XPO4: variants seen among roughly 807,000 people sequenced by gnomAD.
XPO4 encodes the protein exportin-4.
A neutral mutation model predicts 143.0 loss-of-function variants in XPO4; 39 were observed. That is an observed-to-expected ratio of 0.27 (90% CI 0.21 to 0.36). The LOEUF (loss-of-function observed/expected upper bound fraction) is 0.36. XPO4 is among the 10% of genes least tolerant of loss of function. The pLI is 1.00. For missense variants in XPO4, 907 were observed against 1,348.0 expected (o/e 0.67, Z 5.12); for synonymous variants, 439 against 474.0 (o/e 0.93, Z 0.96).
chr13:20,845,752 T>A (rs1395582151), intron 4 of XPO4, among the ~76,000 whole-genome samples: 2 of 152,208 alleles, frequency 1.3e-5, no homozygotes, highest in African/African-American at 4.8e-5. Context: ...GAGGATCAAC[T>A]ATAAACATGA....
chr13:20,825,133 G>C (rs1388444897), intron 7 of XPO4, among the ~76,000 whole-genome samples: 1 of 151,994 alleles, frequency 6.6e-6, no homozygotes, highest in Non-Finnish European at 1.5e-5. Flanking sequence ...CAAAAAGGTA[G>C]GAAGAAAACA....
At chr13:20,898,684 C>T (rs2060591804) in intron 1 of XPO4, among the ~76,000 whole-genome samples, 2 of 152,156 alleles carry the variant, frequency 1.3e-5, no homozygotes, top group Admixed American at 1.3e-4. Flanking sequence ...CCAAAACAAC[C>T]TAATGAAGAC....
chr13:20,886,812 G>A (rs1404704534), intron 1 of XPO4, among the ~76,000 whole-genome samples: 1 of 151,726 alleles, frequency 6.6e-6, no homozygotes, highest in Non-Finnish European at 1.5e-5. Context: ...GTTAGCTCAT[G>A]CCTGTAATCC....
rs553267985 is a variant in XPO4 at position 20,822,592 on chromosome 13, A to G, written c.841-303T>C. ...GCCAGTCAGACATACTGCTTCTTCT[A>G]AAAACAGCAACAATGACAGTCATCT... is the stretch of plus-strand genomic sequence containing the variant. On this transcript the variant is annotated intron_variant, in intron 7 of 22. Coordinates refer to ENST00000255305, the MANE Select transcript of XPO4 (RefSeq NM_022459.5). Among the ~76,000 whole-genome samples, 132 of 152,374 alleles carry G rather than the reference A, an allele frequency of 8.7e-4. 1 individual carries two copies. Among genetic ancestry groups the G allele is most frequent in the Middle Eastern group, 3.4e-3 (1 of 294 alleles).
chr13:20,892,657 G>A (rs945045798), intron 1 of XPO4, among the ~76,000 whole-genome samples: 3 of 152,182 alleles, frequency 2.0e-5, no homozygotes, highest in Admixed American at 2.0e-4. Flanking sequence ...TAAATAAGGT[G>A]TTATAAAAGA....
At chr13:20,816,461 T>G (rs897984307) in intron 9 of XPO4, among the ~76,000 whole-genome samples, 1 of 152,230 alleles carries the variant, frequency 6.6e-6, no homozygotes. Flanking sequence ...AGCTAGTTCT[T>G]AAAATACAGA....
intron 1 of XPO4, among the ~76,000 whole-genome samples, chr13:20,882,109 C>CAAAAAAAAAAAAAAAAAAAA (rs35404161): frequency 2.9e-4 from 27 of 93,312 alleles, no homozygotes; most frequent in African/African-American, 4.3e-4. Context: ...GACTCGGTCT[C>CAAAAAAAAAAAAAAAAAAAA]AAAAAAAAAA....
intron 19 of XPO4, among the ~76,000 whole-genome samples, chr13:20,789,302 G>A (rs912701244): frequency 6.6e-6 from 1 of 152,158 alleles, no homozygotes; most frequent in Non-Finnish European, 1.5e-5. Flanking sequence ...CTCAAGGAGG[G>A]GGAAGCACAC....
rs766596208 is a variant in XPO4 at position 20,808,511 on chromosome 13, G to A, written c.1564C>T (p.Pro522Ser). ...QRHQQQLLAS[P>S]GSSTVDNKML... ...TTGTTGTCAACAGTGCTTGAACCCG[G>A]TGAAGCAAGTAACTGTTGCTGATGT... Residue 522 changes from proline (P) to serine (S), a missense_variant, in exon 12 of 23, where the codon CCG (proline) becomes TCG (serine). By Grantham distance (74) the Pro-to-Ser change is moderately conservative. Coordinates refer to ENST00000255305, the MANE Select transcript of XPO4 (RefSeq NM_022459.5). The A allele has an allele frequency of 1.3e-6, 2 of 1,576,454 alleles. No homozygotes were observed. Among genetic ancestry groups the A allele is most frequent in the Non-Finnish European group, 1.7e-6 (2 of 1,152,484 alleles).
chr13:20,808,021 T>C lies in XPO4; in HGVS notation c.1640-387A>G, dbSNP rs568625999. ...ATTATTTAAAATATGGAAACACTAATAGTATGGTGGTCAAAAAAGAAGATC... is the reference window on the plus strand; with the variant it reads ...ATTATTTAAAATATGGAAACACTAACAGTATGGTGGTCAAAAAAGAAGATC... On this transcript the variant is annotated intron_variant, in intron 12 of 22. Coordinates refer to ENST00000255305, the MANE Select transcript of XPO4 (RefSeq NM_022459.5). Among the ~76,000 whole-genome samples the C allele has an allele frequency of 8.5e-4, 130 of 152,270 alleles. 3 individuals carry two copies. In the South Asian group the frequency reaches 0.026, roughly 30 times the overall value.
chr13:20,787,884 C>T (rs146652298), intron 20 of XPO4, among the ~76,000 whole-genome samples: 262 of 152,210 alleles, frequency 1.7e-3, no homozygotes, highest in Non-Finnish European at 2.5e-3. Flanking sequence ...ACAATCAGAG[C>T]TAAGACCAGA....
rs747915359 is a variant in XPO4, at chr13:20,808,478, C to T, written c.1597G>A (p.Asp533Asn). The T allele has an allele frequency of 1.1e-5, 17 of 1,573,628 alleles. 1 individual carries two copies. The South Asian group carries it at 1.6e-4, about 15-fold the overall frequency. Reference sequence around the variant, plus strand: ...CAGTGAATATCTTCATAGAGATCATCAAGCATTTTGTTGTCAACAGTGCTT... The same window carrying T: ...CAGTGAATATCTTCATAGAGATCATTAAGCATTTTGTTGTCAACAGTGCTT... Reference protein sequence around the residue: ...GSSTVDNKMLDDLYEDIHWLI... With the variant: ...GSSTVDNKMLNDLYEDIHWLI... Residue 533 changes from aspartate (D) to asparagine (N), a missense_variant, in exon 12 of 23, where the codon GAT becomes AAT. Transcript: ENST00000255305.
At chr13:20,798,732 C>T (rs1444247299) in intron 16 of XPO4, among the ~76,000 whole-genome samples, 1 of 152,042 alleles carries the variant, frequency 6.6e-6, no homozygotes, top group African/African-American at 2.4e-5. Context: ...AAAGCTATGA[C>T]TGGGCCGGGC....
intron 14 of XPO4, 21 bp downstream of exon 14, chr13:20,800,810 T>G (rs1230694055): frequency 6.2e-7 from 1 of 1,602,848 alleles, no homozygotes; most frequent in Admixed American, 1.8e-5. Flanking sequence ...CCAAATGAAG[T>G]TTTAAGTTTT....
Position 20,787,065 on chromosome 13 carries a change from T to C in XPO4, c.3166-8A>G. On this transcript the variant is annotated splice_region_variant and splice_polypyrimidine_tract_variant and intron_variant, in intron 21 of 22. Coordinates refer to ENST00000255305, the MANE Select transcript of XPO4 (RefSeq NM_022459.5). ...CAGCATATCAAAAACCAGCTGAAAT[T>C]ACATAAGACTTCTAAATAAAAACAT... 6.4e-7 allele frequency: 1 copy of C among 1,556,476 alleles called. No individual in the cohort carries two copies. The highest frequency in any genetic ancestry group is 1.7e-4 in the Middle Eastern group (1 of 5,744).
intron 1 of XPO4, among the ~76,000 whole-genome samples, chr13:20,893,299 A>G (rs2060535838): frequency 6.6e-6 from 1 of 152,184 alleles, no homozygotes; most frequent in African/African-American, 2.4e-5. Flanking sequence ...GGGCCCTGCA[A>G]ATTATGTAGG....
chr13:20,897,909 C>T (rs1406723608), intron 1 of XPO4, among the ~76,000 whole-genome samples: 2 of 152,100 alleles, frequency 1.3e-5, no homozygotes, highest in Admixed American at 6.6e-5. Context: ...TGCACCACCT[C>T]GCCCAGATAA....
chr13:20,786,980 C>A lies in XPO4; in HGVS notation c.3243G>T (p.Leu1081Phe), dbSNP rs1396928332. The change falls in exon 22 of 23, where the codon TTG (leucine) becomes TTT (phenylalanine). Residue 1081 changes from leucine to phenylalanine, a missense_variant. By Grantham distance (22) the Leu-to-Phe change is conservative. Coordinates refer to ENST00000255305, the MANE Select transcript of XPO4 (RefSeq NM_022459.5). ...TTAAGEAFYT[L>F]VCLHQAEYSE... ...TGTCCAGTACCTGGTGCAAACACAC[C>A]AACGTGTAGAAAGCTTCGCCAGCCG... 6.4e-7 allele frequency: 1 copy of A among 1,558,010 alleles called. No individual in the cohort carries two copies. The highest frequency in any genetic ancestry group is 2.4e-5 in the East Asian group (1 of 41,698).
At position 20,790,489 on chromosome 13, in the gene XPO4, C is replaced by A; in HGVS notation, c.2889G>T (p.Leu963=). 6.2e-7 allele frequency: 1 copy of A among 1,614,074 alleles called. No homozygotes were observed. The highest frequency in any genetic ancestry group is 8.5e-7 in the Non-Finnish European group (1 of 1,179,974). The change falls in exon 19 of 23, where the codon CTG becomes CTT. Residue 963 remains leucine (L), a synonymous_variant. Transcript: ENST00000255305. ...DVVLYGVNLI[L]PLMSQDLLKF... ...TCAAGAGATCCTGTGACATCAAGGG[C>A]AGAATTAGGTTTACTCCATACAACA... is the stretch of plus-strand genomic sequence containing the variant.
Sources: allele counts gnomAD v4.1 joint callset (sites outside exome capture counted in the v4.1 genomes callset), GRCh38; gene constraint gnomAD v4.1.1; transcripts MANE v1.5; gene names NCBI Gene and HGNC (gene_info 2026-07-23, HGNC 2026-07-21).